Variants in STIM1 observed in about 807,000 individuals in gnomAD.
STIM1 encodes the protein stromal interaction molecule 1.
STIM1 carries 25 observed loss-of-function variants against 74.7 expected under a neutral mutation model. The observed-to-expected ratio is 0.33, with a 90% confidence interval of 0.24 to 0.47. STIM1 has a LOEUF of 0.47. Ranked by LOEUF, STIM1 falls within the 20% of genes least tolerant of loss-of-function variation. STIM1 has a pLI of 1.00. For missense variants in STIM1, 728 were observed against 920.8 expected (o/e 0.79, Z 2.71); for synonymous variants, 328 against 348.8 (o/e 0.94, Z 0.66).
chr11:3,914,066 T>G, intron 1 of STIM1, among the ~76,000 whole-genome samples: 1 of 152,220 alleles, frequency 6.6e-6, no homozygotes, highest in East Asian at 1.9e-4. Flanking sequence ...CTTTCACCAC[T>G]ATTTTAAAAC....
At chr11:4,001,237 G>A (rs1281290009) in intron 2 of STIM1, among the ~76,000 whole-genome samples, 14 of 149,974 alleles carry the variant, frequency 9.3e-5, no homozygotes, top group Middle Eastern at 3.4e-3. Context: ...TACAGAGAAC[G>A]CCACAAAGAT....
chr11:3,940,159 A>G (rs772689046), intron 1 of STIM1, among the ~76,000 whole-genome samples: 1 of 152,194 alleles, frequency 6.6e-6, no homozygotes, highest in Non-Finnish European at 1.5e-5. Context: ...CCCAGAACAC[A>G]ACAGTTCCGT....
intron 3 of STIM1, among the ~76,000 whole-genome samples, chr11:4,030,693 C>T (rs1234196934): frequency 1.3e-5 from 2 of 152,240 alleles, no homozygotes; most frequent in South Asian, 2.1e-4. Flanking sequence ...AAACAACTAG[C>T]ATCCATGTAG....
chr11:4,067,250 T>C (rs193174256), intron 5 of STIM1, among the ~76,000 whole-genome samples: 58 of 152,308 alleles, frequency 3.8e-4, no homozygotes, highest in African/African-American at 1.3e-3. Context: ...GAGGCAAACA[T>C]AGAACCAGGC....
intron 1 of STIM1, among the ~76,000 whole-genome samples, chr11:3,966,501 A>G (rs2093342212): frequency 6.6e-6 from 1 of 152,148 alleles, no homozygotes; most frequent in Non-Finnish European, 1.5e-5. Context: ...CCCTGTCCTT[A>G]CTTTCTGTCC....
At chr11:3,954,488 A>G (rs1354700894) in intron 1 of STIM1, among the ~76,000 whole-genome samples, 2 of 152,220 alleles carry the variant, frequency 1.3e-5, no homozygotes, top group African/African-American at 2.4e-5. Flanking sequence ...AGTGGAGAAG[A>G]TAGACATTGA....
intron 1 of STIM1, among the ~76,000 whole-genome samples, chr11:3,887,739 C>T (rs532521414): frequency 4.3e-4 from 65 of 152,130 alleles, no homozygotes; most frequent in African/African-American, 1.4e-3. Flanking sequence ...GAGGCCGAGA[C>T]GGGCGGATCA....
At chr11:3,877,731 A>G (rs2091353570) in intron 1 of STIM1, among the ~76,000 whole-genome samples, 1 of 152,130 alleles carries the variant, frequency 6.6e-6, no homozygotes, top group African/African-American at 2.4e-5. Flanking sequence ...GCATTCCCAG[A>G]ACTGTTGGGA....
In STIM1 at chr11:4,092,199, T is replaced by G; in HGVS notation, c.*401T>G. 1 of 319,680 alleles carries G rather than the reference T, an allele frequency of 3.1e-6. No individual in the cohort carries two copies. The highest frequency in any genetic ancestry group is 6.1e-6 in the Non-Finnish European group (1 of 164,340). The allele number at this position is 319,680 out of a possible 1,614,324, so 19.8% of individuals were successfully genotyped here. A position where few individuals can be genotyped will look rare whatever the true frequency, so the allele number is the denominator to read the frequency against. ...CCTCCCACCACTCCCCAACTTCCCCTAGCAGTTGCAGGGAAGATAGGACGA... is the reference window on the plus strand; with the variant it reads ...CCTCCCACCACTCCCCAACTTCCCCGAGCAGTTGCAGGGAAGATAGGACGA... On this transcript the variant is annotated 3_prime_UTR_variant, in exon 13 of 13. Coordinates refer to ENST00000526596, the MANE Select transcript of STIM1 (RefSeq NM_001382567.1).
chr11:3,923,022 C>T (rs942261976), intron 1 of STIM1, among the ~76,000 whole-genome samples: 2 of 151,544 alleles, frequency 1.3e-5, no homozygotes, highest in South Asian at 2.1e-4. Context: ...TGGTGTGAAC[C>T]CGGGAGGCGG....
Position 3,866,865 on chromosome 11 carries a change from T to G in STIM1, c.139+10456T>G, listed in dbSNP as rs145022191. Among the ~76,000 whole-genome samples, 371 of 152,240 alleles carry G rather than the reference T, an allele frequency of 2.4e-3. 1 individual carries two copies. The highest frequency in any genetic ancestry group is 8.5e-3 in the African/African-American group (353 of 41,532). ...AAGAAAAGAAAAGTAAAAAAGAAAT[T>G]AAAACTGTGCTTTATTTATTATTAT... On this transcript the variant is annotated intron_variant, in intron 1 of 12. Transcript: ENST00000526596.
chr11:3,856,586 G>A (rs1019789057), intron 1 of STIM1, among the ~76,000 whole-genome samples, 177 bp downstream of exon 1: 13 of 152,244 alleles, frequency 8.5e-5, no homozygotes, highest in African/African-American at 2.9e-4. Flanking sequence ...CATGGCAAAT[G>A]CCTGTATCTT....
At chr11:4,055,809 C>T (rs536351497) in intron 4 of STIM1, among the ~76,000 whole-genome samples, 172 bp downstream of exon 4, 149 of 152,294 alleles carry the variant, frequency 9.8e-4, no homozygotes, top group African/African-American at 2.9e-3. Context: ...GTATGATGGG[C>T]GCTTTGTATC....
At chr11:4,024,387 T>G (rs950825749) in intron 3 of STIM1, among the ~76,000 whole-genome samples, 8 of 152,146 alleles carry the variant, frequency 5.3e-5, no homozygotes, top group African/African-American at 1.9e-4. Context: ...ATTCAAAGAT[T>G]GGGTGAGGGT....
intron 1 of STIM1, among the ~76,000 whole-genome samples, chr11:3,894,017 C>T (rs547901499): frequency 3.9e-5 from 6 of 152,124 alleles, no homozygotes; most frequent in South Asian, 4.1e-4. Context: ...GGAGCTCAAG[C>T]GATCTGCCCA....
At chr11:3,983,695 G>A (rs2093529288) in intron 2 of STIM1, among the ~76,000 whole-genome samples, 1 of 152,148 alleles carries the variant, frequency 6.6e-6, no homozygotes, top group South Asian at 2.1e-4. Flanking sequence ...TCCCATGGCT[G>A]CTATATCACT....
At chr11:3,960,922 A>G (rs182865780) in intron 1 of STIM1, among the ~76,000 whole-genome samples, 1 of 152,266 alleles carries the variant, frequency 6.6e-6, no homozygotes, top group East Asian at 1.9e-4. Context: ...TTAATATGTA[A>G]GAGATTTGTT....
intron 5 of STIM1, among the ~76,000 whole-genome samples, chr11:4,059,650 A>T (rs1484153251): frequency 3.9e-5 from 6 of 152,202 alleles, no homozygotes; most frequent in Admixed American, 3.9e-4. Flanking sequence ...AAGACCTGGA[A>T]TGAATCATGT....
In STIM1 at chr11:4,047,231, T is replaced by C. The variant is rs567577013; in HGVS notation, c.386-8295T>C. Among the ~76,000 whole-genome samples, 10 of 152,252 alleles carry C rather than the reference T, an allele frequency of 6.6e-5. No individual in the cohort carries two copies. In the South Asian group the frequency reaches 1.7e-3, roughly 25 times the overall value. On this transcript the variant is annotated intron_variant, in intron 3 of 12. Transcript: ENST00000526596. Reference sequence around the variant, plus strand: ...CTGATGGCTCATGCCTATAATCTTATCACTTTGGGAGGCTGAGGCTGGAGG... The same window carrying C: ...CTGATGGCTCATGCCTATAATCTTACCACTTTGGGAGGCTGAGGCTGGAGG...
Sources: allele counts gnomAD v4.1 joint callset (sites outside exome capture counted in the v4.1 genomes callset), GRCh38; gene constraint gnomAD v4.1.1; transcripts MANE v1.5; gene names NCBI Gene and HGNC (gene_info 2026-07-23, HGNC 2026-07-21).